The following PKHD1L1 variants were observed in gnomAD, a reference collection of about 807,000 sequenced individuals.
The protein encoded by PKHD1L1 is PKHD1 like 1.
A neutral mutation model predicts 462.9 loss-of-function variants in PKHD1L1; 434 were observed. The ratio of observed to expected loss-of-function variants is 0.94; its 90% CI spans 0.87 to 1.02. The LOEUF (loss-of-function observed/expected upper bound fraction) is 1.02. Ranked by LOEUF, PKHD1L1 falls within the 50% of genes least tolerant of loss-of-function variation. The pLI is 0.00. For missense variants in PKHD1L1, 5,202 were observed against 5,096.1 expected (o/e 1.02, Z -0.63); for synonymous variants, 1,781 against 1,750.0 (o/e 1.02, Z -0.44).
chr8:109,470,755 G>A (rs1817674233), intron 50 of PKHD1L1: 2 of 1,545,786 alleles, frequency 1.3e-6, no homozygotes, highest in Non-Finnish European at 1.8e-6. Context: ...GTTTCTGAGT[G>A]GTAGGGAGGA....
chr8:109,429,605 A>G (rs1814975652), intron 26 of PKHD1L1, 143 bp downstream of exon 26: 4 of 871,448 alleles, frequency 4.6e-6, no homozygotes, highest in Non-Finnish European at 6.9e-6. Flanking sequence ...CAACTTGATA[A>G]TATTATTTTA....
chr8:109,459,656 A>G lies in PKHD1L1; in HGVS notation c.7066A>G (p.Ile2356Val). ...IASVSADGIN[I>V]TLSNPLNYTH... ...ATCTGTGTCTGCTGATGGCATAAACATAACACTAAGTAACCCACTAAATTA... is the reference window on the plus strand; with the variant it reads ...ATCTGTGTCTGCTGATGGCATAAACGTAACACTAAGTAACCCACTAAATTA... Residue 2356 changes from isoleucine (I) to valine (V), a missense_variant, in exon 47 of 78, where the codon ATA becomes GTA. By Grantham distance (29) the Ile-to-Val change is conservative. Transcript: ENST00000378402. 6.2e-7 allele frequency: 1 copy of G among 1,606,402 alleles called. No individual in the cohort carries two copies. The highest frequency in any genetic ancestry group is 8.5e-7 in the Non-Finnish European group (1 of 1,175,948).
intron 18 of PKHD1L1, 111 bp downstream of exon 18, chr8:109,408,317 C>A (rs755337085): frequency 6.0e-6 from 6 of 993,716 alleles, no homozygotes; most frequent in Middle Eastern, 2.2e-4. Flanking sequence ...AAAATCACTG[C>A]AAATTATTTA....
At chr8:109,481,707 C>CAATAA in intron 56 of PKHD1L1, 145 bp downstream of exon 56, 1 of 791,502 alleles carries the variant, frequency 1.3e-6, no homozygotes, top group Non-Finnish European at 1.7e-6. Flanking sequence ...GAAGTTTTTA[C>CAATAA]AGAAATTTAT....
chr8:109,490,341 C>T lies in PKHD1L1; in HGVS notation c.9984+286C>T, dbSNP rs539638232. Among the ~76,000 whole-genome samples, 44 of 151,630 alleles carry T rather than the reference C, an allele frequency of 2.9e-4. 1 individual carries two copies. The South Asian group carries it at 9.1e-3, about 31-fold the overall frequency. ...TATATCCACTTTATTTTGCAATGAC[C>T]AAAAACATTTTTCCAAATGGTTTCT... On this transcript the variant is annotated intron_variant, in intron 60 of 77. Coordinates refer to ENST00000378402, the MANE Select transcript of PKHD1L1 (RefSeq NM_177531.6).
rs1391968919 is a variant in PKHD1L1 at position 109,438,392 on chromosome 8, T to C, written c.3696T>C (p.Phe1232=). The stretch of plus-strand genomic sequence containing the variant: ...TTCAAGCCACAGCAAGGGATGCTTT[T>C]AGTTATAATTGTTTACAGACACCAA... ...NGFQATARDA[F]SYNCLQTPII... is the part of the protein sequence containing the mutation. Residue 1232 remains phenylalanine, a synonymous_variant, in exon 31 of 78, where the codon TTT becomes TTC. Transcript: ENST00000378402. 6.5e-6 allele frequency: 10 copies of C among 1,540,536 alleles called. No individual in the cohort carries two copies. In the East Asian group the frequency reaches 1.5e-4, roughly 23 times the overall value.
At chr8:109,503,970 G>A (rs567768262) in intron 67 of PKHD1L1, among the ~76,000 whole-genome samples, 2 of 152,118 alleles carry the variant, frequency 1.3e-5, no homozygotes, top group African/African-American at 2.4e-5. Context: ...ATGTATCCCA[G>A]GCTTACTCAT....
intron 5 of PKHD1L1, among the ~76,000 whole-genome samples, chr8:109,385,156 T>G: frequency 6.6e-6 from 1 of 151,714 alleles, no homozygotes; most frequent in Middle Eastern, 3.4e-3. Context: ...ATTATATAAA[T>G]TTTCACCTAT....
chr8:109,425,246 AT>A lies in PKHD1L1; in HGVS notation c.2845+17del, dbSNP rs1243956584. ...ATATTCTTAAAGGTATATGAAAAAA[AT>A]TTAAAATATTGGTGTATACGCACAC... On this transcript the variant is annotated intron_variant, in intron 24 of 77. Coordinates refer to ENST00000378402, the MANE Select transcript of PKHD1L1 (RefSeq NM_177531.6). The A allele has an allele frequency of 6.4e-7, 1 of 1,560,164 alleles. No homozygotes were observed.
intron 9 of PKHD1L1, among the ~76,000 whole-genome samples, chr8:109,392,226 T>A (rs1276488902): frequency 2.0e-5 from 3 of 152,090 alleles, no homozygotes; most frequent in Admixed American, 6.5e-5. Context: ...CTTCCCAAGG[T>A]GAAAGAAAAA....
intron 35 of PKHD1L1, 54 bp from the exon 36 acceptor site, chr8:109,442,892 T>C: frequency 6.6e-7 from 1 of 1,525,190 alleles, no homozygotes; most frequent in Non-Finnish European, 9.1e-7. Flanking sequence ...CAGTCTCTTT[T>C]CAAATATGCA....
At chr8:109,459,340 T>G (rs951056715) in intron 46 of PKHD1L1, among the ~76,000 whole-genome samples, 1 of 152,154 alleles carries the variant, frequency 6.6e-6, no homozygotes, top group Non-Finnish European at 1.5e-5. Flanking sequence ...TTCCAAATAC[T>G]TTTTATAAGC....
chr8:109,492,123 T>G, intron 62 of PKHD1L1, 129 bp downstream of exon 62: 17 of 663,514 alleles, frequency 2.6e-5, no homozygotes, highest in South Asian at 1.2e-4. Flanking sequence ...CGATGGCCAT[T>G]GATTTTTTTT....
intron 67 of PKHD1L1, among the ~76,000 whole-genome samples, chr8:109,503,169 A>T (rs566279981): frequency 6.6e-6 from 1 of 152,130 alleles, no homozygotes; most frequent in Non-Finnish European, 1.5e-5. Context: ...TTAGCCAGTC[A>T]TGGTGGCAGG....
intron 8 of PKHD1L1, among the ~76,000 whole-genome samples, chr8:109,389,830 C>G (rs912680860): frequency 6.6e-6 from 1 of 151,990 alleles, no homozygotes; most frequent in African/African-American, 2.4e-5. Flanking sequence ...GCCTGGCCTT[C>G]TTTTAATTCT....
At chr8:109,418,585 T>C (rs1045920578) in intron 21 of PKHD1L1, among the ~76,000 whole-genome samples, 2 of 152,234 alleles carry the variant, frequency 1.3e-5, no homozygotes, top group African/African-American at 4.8e-5. Context: ...TAAAAGGTAC[T>C]GTGCAACCAT....
At chr8:109,507,608 T>A in intron 68 of PKHD1L1, 55 bp from the exon 69 acceptor site, 1 of 1,425,936 alleles carries the variant, frequency 7.0e-7, no homozygotes, top group Admixed American at 1.8e-5. Flanking sequence ...TATTCAAGTG[T>A]ATTCATATTG....
intron 67 of PKHD1L1, among the ~76,000 whole-genome samples, chr8:109,502,083 C>A (rs1379167590): frequency 6.6e-6 from 1 of 152,060 alleles, no homozygotes; most frequent in Non-Finnish European, 1.5e-5. Flanking sequence ...CCATACCACA[C>A]CACACTCATT....
intron 2 of PKHD1L1, among the ~76,000 whole-genome samples, chr8:109,376,387 G>A (rs1811831125): frequency 6.6e-6 from 1 of 152,186 alleles, no homozygotes; most frequent in East Asian, 1.9e-4. Flanking sequence ...GATTTTCCAG[G>A]TGCCGTCTGT....
Sources: gnomAD v4.1 joint callset for allele counts (sites outside exome capture counted in the v4.1 genomes callset) on GRCh38, gnomAD v4.1.1 for gene constraint, MANE v1.5 for transcripts, NCBI Gene and HGNC (gene_info 2026-07-23, HGNC 2026-07-21) for gene names.